The following GRK5 variants were observed in gnomAD, a reference collection of about 807,000 sequenced individuals.
The protein encoded by GRK5 is G protein-coupled receptor kinase 5, also known as g protein-coupled receptor kinase GRK5.
In GRK5, 40 loss-of-function variants were observed where a neutral mutation model predicts 78.4. The ratio of observed to expected loss-of-function variants is 0.51; its 90% CI spans 0.40 to 0.66. The LOEUF is 0.66. Among genes scored for constraint, GRK5 ranks in the 30% least tolerant of loss-of-function variants. The probability of loss-of-function intolerance (pLI) is 0.00; values close to 1 mark genes in which losing one functional copy is unlikely to be tolerated. For missense variants in GRK5, 598 were observed against 759.9 expected, an observed-to-expected ratio of 0.79 and a Z score of 2.50; for synonymous variants, 289 against 296.8, an observed-to-expected ratio of 0.97 and a Z score of 0.27.
At position 119,303,208 on chromosome 10, in the gene GRK5, G is replaced by A. The variant is rs142881227; in HGVS notation, c.53-23308G>A. 2.1e-3 allele frequency among the ~76,000 whole-genome samples: 320 copies of A among 152,318 alleles called. 1 individual carries two copies. The highest frequency in any genetic ancestry group is 7.3e-3 in the African/African-American group (305 of 41,576). On this transcript the variant is annotated intron_variant, in intron 1 of 15. Transcript: ENST00000392870. ...TGAGAGTAAAACGCTAGTTGGACGAGATCATGTTATATCTGTAAACAGACG... is the reference window on the plus strand; with the variant it reads ...TGAGAGTAAAACGCTAGTTGGACGAAATCATGTTATATCTGTAAACAGACG...
chr10:119,310,395 A>G (rs73445480), intron 1 of GRK5, among the ~76,000 whole-genome samples: 1,817 of 152,282 alleles, frequency 0.012, 33 homozygotes, highest in African/African-American at 0.042. Context: ...AGAAAACATT[A>G]TGAGGCAAAA....
At chr10:119,404,760 C>T (rs1852206101) in intron 4 of GRK5, among the ~76,000 whole-genome samples, 1 of 152,230 alleles carries the variant, frequency 6.6e-6, no homozygotes, top group Non-Finnish European at 1.5e-5. Context: ...CATTCAGCCC[C>T]TTATCCCCTG....
At chr10:119,397,619 C>G (rs1025744063) in intron 4 of GRK5, among the ~76,000 whole-genome samples, 1 of 152,240 alleles carries the variant, frequency 6.6e-6, no homozygotes, top group African/African-American at 2.4e-5. Context: ...ACCAGCTCCC[C>G]GGAAGAGTAT....
In GRK5 at chr10:119,380,906, C is replaced by T. The variant is rs746730156; in HGVS notation, c.240C>T (p.Tyr80=). ...AAACCAGGCCTGGGCTGGAGTGTTA[C>T]ATTCAGTTCCTGGACTCCGTGGTAA... is the stretch of plus-strand genomic sequence containing the variant. ...FCETRPGLEC[Y]IQFLDSVAEY... Residue 80 remains tyrosine, a synonymous_variant, in exon 3 of 16, where the codon TAC becomes TAT. Coordinates refer to ENST00000392870, the MANE Select transcript of GRK5 (RefSeq NM_005308.3). 2 of 1,611,492 alleles carry T rather than the reference C, an allele frequency of 1.2e-6. No homozygotes were observed. The highest frequency in any genetic ancestry group is 2.7e-5 in the African/African-American group (2 of 74,922).
rs569770829 is a variant in GRK5, at chr10:119,250,774, C to T, written c.52+42805C>T. On this transcript the variant is annotated intron_variant, in intron 1 of 15. Coordinates refer to ENST00000392870, the MANE Select transcript of GRK5 (RefSeq NM_005308.3). ...CTTAGTCATGACCTGTGTTTATCTC[C>T]TCTTGCTCTGAGTAAAGAGGATGTG... 4.3e-3 allele frequency among the ~76,000 whole-genome samples: 660 copies of T among 152,224 alleles called. 1 individual carries two copies. The highest frequency in any genetic ancestry group is 0.015 in the African/African-American group (634 of 41,528).
chr10:119,394,265 T>TGTGTGGGCACGTGTGTGTGTGG (rs1851962578), intron 3 of GRK5, among the ~76,000 whole-genome samples: 1 of 113,188 alleles, frequency 8.8e-6, no homozygotes, highest in African/African-American at 3.5e-5. Context: ...TGTATCTGTG[T>TGTGTGGGCACGTGTGTGTGTGG]GTGTGTGGGC....
intron 1 of GRK5, among the ~76,000 whole-genome samples, chr10:119,242,628 C>T (rs992689311): frequency 2.6e-5 from 4 of 151,340 alleles, no homozygotes; most frequent in Non-Finnish European, 4.4e-5. Context: ...ATAATCTCCA[C>T]GTATCAAGGG....
chr10:119,332,187 A>T (rs1286452446), intron 2 of GRK5, among the ~76,000 whole-genome samples: 1 of 151,432 alleles, frequency 6.6e-6, no homozygotes, highest in East Asian at 1.9e-4. Context: ...GTTCAGTGCA[A>T]CCTCTGCTTC....
At chr10:119,212,384 C>T (rs1848501953) in intron 1 of GRK5, among the ~76,000 whole-genome samples, 1 of 152,208 alleles carries the variant, frequency 6.6e-6, no homozygotes, top group South Asian at 2.1e-4. Context: ...CTTGACTCTT[C>T]CAGTGCCCAA....
intron 9 of GRK5, among the ~76,000 whole-genome samples, chr10:119,437,613 T>C (rs1852948335): frequency 6.6e-6 from 1 of 152,206 alleles, no homozygotes; most frequent in Non-Finnish European, 1.5e-5. Flanking sequence ...ATCCAAAAAA[T>C]GCACAGAAAG....
chr10:119,279,612 C>T (rs1026532756), intron 1 of GRK5, among the ~76,000 whole-genome samples: 2 of 152,186 alleles, frequency 1.3e-5, no homozygotes, highest in African/African-American at 2.4e-5. Flanking sequence ...CAAAACGTGC[C>T]GTGGTTCTCA....
intron 9 of GRK5, among the ~76,000 whole-genome samples, chr10:119,438,531 GAA>G (rs1852968389): frequency 1.3e-5 from 2 of 149,848 alleles, no homozygotes; most frequent in Non-Finnish European, 3.0e-5. Context: ...TCATTCAAAT[GAA>G]AAGAGTCAAA....
chr10:119,344,361 G>A (rs1193537350), intron 2 of GRK5, among the ~76,000 whole-genome samples: 1 of 152,042 alleles, frequency 6.6e-6, no homozygotes, highest in Non-Finnish European at 1.5e-5. Flanking sequence ...CCTGGTGTGT[G>A]ATGTTCCCCA....
At chr10:119,391,274 G>A (rs1851883892) in intron 3 of GRK5, among the ~76,000 whole-genome samples, 1 of 151,462 alleles carries the variant, frequency 6.6e-6, no homozygotes, top group African/African-American at 2.4e-5. Flanking sequence ...CAAGCTCTGG[G>A]GTTGACCAGG....
chr10:119,339,047 A>C (rs926202477), intron 2 of GRK5, among the ~76,000 whole-genome samples: 4 of 152,158 alleles, frequency 2.6e-5, no homozygotes, highest in African/African-American at 9.7e-5. Context: ...CTTCCTCTGG[A>C]ATGTTCTTTT....
At chr10:119,448,900 G>C (rs936869831) in intron 13 of GRK5, among the ~76,000 whole-genome samples, 2 of 152,232 alleles carry the variant, frequency 1.3e-5, no homozygotes, top group African/African-American at 2.4e-5. Flanking sequence ...AGGCCCAAGA[G>C]ATGCAGACCA....
At chr10:119,293,362 T>C (rs1372196692) in intron 1 of GRK5, among the ~76,000 whole-genome samples, 4 of 152,168 alleles carry the variant, frequency 2.6e-5, no homozygotes, top group African/African-American at 9.7e-5. Flanking sequence ...GTCTGTTTCA[T>C]TAGCTAACAG....
chr10:119,351,496 G>A (rs773085347), intron 2 of GRK5, among the ~76,000 whole-genome samples: 4 of 152,032 alleles, frequency 2.6e-5, no homozygotes, highest in East Asian at 1.9e-4. Context: ...CTCTCTTGCC[G>A]GCCGCCATGT....
chr10:119,424,164 C>T (rs558685217), intron 5 of GRK5, among the ~76,000 whole-genome samples: 1 of 152,254 alleles, frequency 6.6e-6, no homozygotes, highest in South Asian at 2.1e-4. Context: ...TCAGATCCAA[C>T]AGTGGGTGGG....
Sources: gnomAD v4.1 joint callset for allele counts (sites outside exome capture counted in the v4.1 genomes callset) on GRCh38, gnomAD v4.1.1 for gene constraint, MANE v1.5 for transcripts, NCBI Gene and HGNC (gene_info 2026-07-23, HGNC 2026-07-21) for gene names.